Variants in LRP1B observed in about 807,000 individuals in gnomAD.
LRP1B encodes the protein LDL receptor related protein 1B.
In LRP1B, 217 loss-of-function variants were observed where a neutral mutation model predicts 556.6. That is an observed-to-expected ratio of 0.39 (90% CI 0.35 to 0.44). The LOEUF (loss-of-function observed/expected upper bound fraction) is 0.44, where lower values mean the gene tolerates loss of function less well. Among genes scored for constraint, LRP1B ranks in the 20% least tolerant of loss-of-function variants. LRP1B has a pLI of 1.00. For missense variants in LRP1B, 5,053 were observed against 5,620.8 expected, an observed-to-expected ratio of 0.90 and a Z score of 3.23; for synonymous variants, 2,047 against 1,865.8, an observed-to-expected ratio of 1.10 and a Z score of -2.50.
chr2:141,233,386 T>A (rs1282215810), intron 5 of LRP1B, among the ~76,000 whole-genome samples: 1 of 152,190 alleles, frequency 6.6e-6, no homozygotes, highest in Non-Finnish European at 1.5e-5. Flanking sequence ...CCTAAAAACA[T>A]TTCTCTCTCC....
chr2:141,919,533 A>G (rs773849584), intron 1 of LRP1B, among the ~76,000 whole-genome samples: 3 of 152,038 alleles, frequency 2.0e-5, no homozygotes, highest in Non-Finnish European at 4.4e-5. Context: ...TTTAATTCAA[A>G]TTTATGTGAA....
chr2:141,515,653 T>C (rs927276701), intron 2 of LRP1B, among the ~76,000 whole-genome samples: 5 of 152,198 alleles, frequency 3.3e-5, no homozygotes, highest in Non-Finnish European at 5.9e-5. Flanking sequence ...TACTGGGGCT[T>C]TACATTCTGA....
chr2:141,616,937 C>G (rs556028975), intron 2 of LRP1B, among the ~76,000 whole-genome samples: 34 of 152,314 alleles, frequency 2.2e-4, no homozygotes, highest in Non-Finnish European at 4.3e-4. Context: ...TACAAATCAT[C>G]ATTCAAAGAG....
At chr2:141,649,262 C>T (rs181259567) in intron 2 of LRP1B, among the ~76,000 whole-genome samples, 214 of 152,158 alleles carry the variant, frequency 1.4e-3, no homozygotes, top group African/African-American at 4.8e-3. Context: ...GTATTCTGAG[C>T]GGGGGATTTC....
intron 77 of LRP1B, among the ~76,000 whole-genome samples, chr2:140,342,210 A>ACAT (rs1185461110): frequency 6.6e-6 from 1 of 151,446 alleles, no homozygotes; most frequent in Non-Finnish European, 1.5e-5. Flanking sequence ...GGAGAAAGAT[A>ACAT]CATACTCACA....
At chr2:141,003,863 T>G (rs1231695546) in intron 15 of LRP1B, among the ~76,000 whole-genome samples, 1 of 152,084 alleles carries the variant, frequency 6.6e-6, no homozygotes. Context: ...CACTCAATCT[T>G]ACCTACAATT....
intron 43 of LRP1B, among the ~76,000 whole-genome samples, chr2:140,566,788 C>T (rs1390358223): frequency 6.6e-6 from 1 of 152,172 alleles, no homozygotes; most frequent in African/African-American, 2.4e-5. Flanking sequence ...GGAAAACATA[C>T]TGTACCCTGG....
intron 41 of LRP1B, among the ~76,000 whole-genome samples, chr2:140,630,629 C>T (rs953199473): frequency 3.3e-5 from 5 of 152,136 alleles, no homozygotes; most frequent in Admixed American, 2.6e-4. Flanking sequence ...GTGTGCTTTA[C>T]TTCTAGGAAC....
intron 68 of LRP1B, among the ~76,000 whole-genome samples, chr2:140,374,167 C>T (rs1683119746): frequency 6.6e-6 from 1 of 152,166 alleles, no homozygotes; most frequent in African/African-American, 2.4e-5. Flanking sequence ...TAGAAATCAC[C>T]TTCCCTGGGT....
chr2:142,051,119 T>C (rs1468994100), intron 1 of LRP1B, among the ~76,000 whole-genome samples: 2 of 151,898 alleles, frequency 1.3e-5, no homozygotes, highest in South Asian at 2.1e-4. Flanking sequence ...GAAGAGAGTA[T>C]GGCCAGTAAA....
chr2:140,486,219 A>G (rs1688464792), intron 58 of LRP1B, among the ~76,000 whole-genome samples: 1 of 152,070 alleles, frequency 6.6e-6, no homozygotes, highest in Admixed American at 6.6e-5. Flanking sequence ...TAAAACTTGA[A>G]GCTATATAGA....
intron 83 of LRP1B, among the ~76,000 whole-genome samples, chr2:140,307,469 T>G (rs1684116783): frequency 6.6e-6 from 1 of 151,864 alleles, no homozygotes; most frequent in African/African-American, 2.4e-5. Flanking sequence ...AAAATCCTAT[T>G]GCTCATTTTT....
In LRP1B at chr2:141,231,703, G is replaced by T. The variant is rs979984119; in HGVS notation, c.593-2263C>A. Among the ~76,000 whole-genome samples, 4 of 144,138 alleles carry T rather than the reference G, an allele frequency of 2.8e-5. No individual in the cohort carries two copies. The East Asian group carries it at 8.7e-4, about 31-fold the overall frequency. 94.6% of individuals were successfully genotyped at this position (144,138 alleles called of 152,430 possible). ...GCTATCGTGTGCACCTGCCATACAA[G>T]GTATGCTTAAGTTACATTATTGTTG... is the stretch of plus-strand genomic sequence containing the variant. On this transcript the variant is annotated intron_variant, in intron 5 of 90. Coordinates refer to ENST00000389484, the MANE Select transcript of LRP1B (RefSeq NM_018557.3).
chr2:141,980,624 A>T (rs1702017198), intron 1 of LRP1B, among the ~76,000 whole-genome samples: 2 of 152,146 alleles, frequency 1.3e-5, no homozygotes, highest in Non-Finnish European at 2.9e-5. Context: ...CACAAACCAG[A>T]TGAGAGTATA....
intron 21 of LRP1B, among the ~76,000 whole-genome samples, chr2:140,912,848 A>G (rs1369919733): frequency 1.3e-5 from 2 of 151,824 alleles, no homozygotes; most frequent in African/African-American, 2.4e-5. Flanking sequence ...TAGCTTCCCA[A>G]AATAAATTGA....
At chr2:141,585,960 C>T (rs1687124125) in intron 2 of LRP1B, among the ~76,000 whole-genome samples, 1 of 151,842 alleles carries the variant, frequency 6.6e-6, no homozygotes, top group Admixed American at 6.6e-5. Context: ...TCAAGCCATC[C>T]TCCTGCTTCA....
At chr2:141,320,229 T>C (rs1478964534) in intron 3 of LRP1B, among the ~76,000 whole-genome samples, 2 of 152,122 alleles carry the variant, frequency 1.3e-5, no homozygotes. Flanking sequence ...TATTTTAAAT[T>C]ACTTTTATAA....
At chr2:141,029,399 G>T (rs1161266624) in intron 11 of LRP1B, among the ~76,000 whole-genome samples, 1 of 152,074 alleles carries the variant, frequency 6.6e-6, no homozygotes, top group East Asian at 1.9e-4. Flanking sequence ...GTACATTCTT[G>T]CTGAGTTTGC....
At chr2:141,058,200 A>G (rs965834703) in intron 9 of LRP1B, among the ~76,000 whole-genome samples, 7 of 151,884 alleles carry the variant, frequency 4.6e-5, no homozygotes, top group African/African-American at 1.7e-4. Flanking sequence ...TCTGTTGTAA[A>G]CATATTTGTG....
Sources: gnomAD v4.1 joint callset for allele counts (sites outside exome capture counted in the v4.1 genomes callset) on GRCh38, gnomAD v4.1.1 for gene constraint, MANE v1.5 for transcripts, NCBI Gene and HGNC (gene_info 2026-07-23, HGNC 2026-07-21) for gene names.